Variants in FANCA observed in about 807,000 individuals in gnomAD.
FANCA encodes Fanconi anemia group A protein.
Under a neutral mutation model 194.3 loss-of-function variants are expected in FANCA, and 236 were observed. The observed-to-expected ratio is 1.21, with a 90% confidence interval of 1.09 to 1.35. The LOEUF (loss-of-function observed/expected upper bound fraction) is 1.35. FANCA is among the 40% of genes most tolerant of loss of function. The probability of loss-of-function intolerance (pLI) is 0.00; values close to 1 mark genes in which losing one functional copy is unlikely to be tolerated. For missense variants in FANCA, 2,628 were observed against 1,813.9 expected (o/e 1.45, Z -8.15); for synonymous variants, 1,014 against 715.8 (o/e 1.42, Z -6.65).
At chr16:89,780,385 G>A (rs1405749758) in intron 17 of FANCA, among the ~76,000 whole-genome samples, 1 of 152,154 alleles carries the variant, frequency 6.6e-6, no homozygotes, top group Non-Finnish European at 1.5e-5. Context: ...GCTTTGAGAG[G>A]CTAAGCGGGG....
In FANCA at chr16:89,785,538, G is replaced by A. The variant is rs988091437; in HGVS notation, c.1360-574C>T. On this transcript the variant is annotated intron_variant, in intron 14 of 42. Transcript: ENST00000389301. Reference sequence around the variant, plus strand: ...GCAAGACCCTAGCAGAGCAAGCGAGGAACATGAGCAAACCCTCCCAGGAAC... The same window carrying A: ...GCAAGACCCTAGCAGAGCAAGCGAGAAACATGAGCAAACCCTCCCAGGAAC... Among the ~76,000 whole-genome samples, 8 of 152,302 alleles carry A rather than the reference G, an allele frequency of 5.3e-5. No homozygotes were observed. In the South Asian group the frequency reaches 8.3e-4, roughly 16 times the overall value.
intron 20 of FANCA, 67 bp downstream of exon 20, chr16:89,778,734 C>T (rs191923994): frequency 2.7e-4 from 398 of 1,450,384 alleles, no homozygotes; most frequent in Admixed American, 2.3e-3. Context: ...TACAGAAGAT[C>T]CACAATTCTT....
At chr16:89,774,448 C>T (rs2190808) in intron 21 of FANCA, among the ~76,000 whole-genome samples, 9,097 of 151,942 alleles carry the variant, frequency 0.06, 424 homozygotes, top group East Asian at 0.23. Context: ...CAGGGTGGGT[C>T]GGCCGGGCAT....
rs908048241 is a variant in FANCA, at chr16:89,805,192, C to G, written c.709+88G>C. The G allele has an allele frequency of 4.1e-5, 41 of 1,007,808 alleles. No homozygotes were observed. In the Admixed American group the frequency reaches 7.9e-4, roughly 19 times the overall value. 62.4% of individuals were successfully genotyped at this position (1,007,808 alleles called of 1,614,324 possible). A position where few individuals can be genotyped will look rare whatever the true frequency, so the allele number is the denominator to read the frequency against. ...CACGGCCACGGAGAGACAGGCTGTT[C>G]TGCCTCGCAGAGCTCTTGAGAGCAG... is the stretch of plus-strand genomic sequence containing the variant. On this transcript the variant is annotated intron_variant, in intron 7 of 42. Transcript: ENST00000389301.
At chr16:89,762,350 T>C (rs1344561053) in intron 28 of FANCA, among the ~76,000 whole-genome samples, 1 of 151,994 alleles carries the variant, frequency 6.6e-6, no homozygotes, top group African/African-American at 2.4e-5. Context: ...TCCCAGCACT[T>C]TGGGAGGCTG....
intron 14 of FANCA, among the ~76,000 whole-genome samples, chr16:89,786,269 C>T (rs192419944): frequency 3.9e-5 from 6 of 152,172 alleles, no homozygotes; most frequent in Admixed American, 2.6e-4. Context: ...CCGTAACCTC[C>T]GCCTCCCAGG....
chr16:89,753,964 G>C (rs1408111815), intron 30 of FANCA, among the ~76,000 whole-genome samples: 1 of 152,228 alleles, frequency 6.6e-6, no homozygotes, highest in Non-Finnish European at 1.5e-5. Context: ...TGAGGCAGCA[G>C]AATTGCCTGA....
Position 89,738,727 on chromosome 16 carries a change from T to G in FANCA, c.4261-19A>C. On this transcript the variant is annotated intron_variant, in intron 42 of 42. Coordinates refer to ENST00000389301, the MANE Select transcript of FANCA (RefSeq NM_000135.4). ...CCAGCAGCTGTGAGAGAGGAGCAGG[T>G]CCTCAGCCCATGCCGCCCACTAGGC... The G allele has an allele frequency of 6.2e-7, 1 of 1,613,472 alleles. No homozygotes were observed. The highest frequency in any genetic ancestry group is 8.5e-7 in the Non-Finnish European group (1 of 1,179,778).
At chr16:89,757,877 C>T (rs1001057209) in intron 30 of FANCA, among the ~76,000 whole-genome samples, 1 of 152,186 alleles carries the variant, frequency 6.6e-6, no homozygotes, top group Non-Finnish European at 1.5e-5. Flanking sequence ...AACGTTGTTG[C>T]TATTTTTATC....
chr16:89,769,496 G>C (rs1418841047), intron 26 of FANCA, among the ~76,000 whole-genome samples: 2 of 152,202 alleles, frequency 1.3e-5, no homozygotes, highest in South Asian at 2.1e-4. Flanking sequence ...CCTGACCAGA[G>C]GGAGCTGGTC....
At chr16:89,741,903 G>A (rs1483745177) in intron 37 of FANCA, among the ~76,000 whole-genome samples, 2 of 152,244 alleles carry the variant, frequency 1.3e-5, no homozygotes, top group East Asian at 1.9e-4. Flanking sequence ...AAAATAAGCT[G>A]AAGAAACGCA....
rs2143308956 is a variant in FANCA, at chr16:89,767,245, C to T, written c.2505-8G>A. On this transcript the variant is annotated splice_region_variant and splice_polypyrimidine_tract_variant and intron_variant, in intron 26 of 42. Transcript: ENST00000389301. ...ATTGCTGCTGTACAAAATCTGAAAA[C>T]AGAAATTATAACATATAAATGTAAT... The T allele has an allele frequency of 6.3e-7, 1 of 1,585,940 alleles. No individual in the cohort carries two copies. The highest frequency in any genetic ancestry group is 1.3e-5 in the African/African-American group (1 of 74,476).
Position 89,762,001 on chromosome 16 carries a change from G to A in FANCA, c.2800C>T (p.His934Tyr), listed in dbSNP as rs774871582. The change falls in exon 29 of 43, where the codon CAC becomes TAC. Residue 934 changes from histidine to tyrosine, a missense_variant. By Grantham distance (83) the His-to-Tyr change is moderately conservative. Transcript: ENST00000389301. Reference protein sequence around the residue: ...DVHLTYQDWLHLELEIQPEAD... With the variant: ...DVHLTYQDWLYLELEIQPEAD... ...TCAGGTTGAATTTCCAGCTCCAGGT[G>A]TAACCAGTCTTGGTAAGTTAACTGA... 4 of 1,613,934 alleles carry A rather than the reference G, an allele frequency of 2.5e-6. No homozygotes were observed. The highest frequency in any genetic ancestry group is 1.1e-5 in the South Asian group (1 of 91,080).
intron 29 of FANCA, among the ~76,000 whole-genome samples, chr16:89,760,152 G>A (rs2038904221): frequency 6.6e-6 from 1 of 152,254 alleles, no homozygotes; most frequent in African/African-American, 2.4e-5. Context: ...ACCTGATGCA[G>A]CATGACCTCA....
At chr16:89,777,680 T>C (rs182009783) in intron 20 of FANCA, among the ~76,000 whole-genome samples, 8 of 152,256 alleles carry the variant, frequency 5.3e-5, no homozygotes, top group Admixed American at 2.6e-4. Context: ...CCAAAGTTGG[T>C]TGATACCAAC....
In FANCA at chr16:89,775,767, G is replaced by C. The variant is rs2039479573; in HGVS notation, c.1875C>G (p.Cys625Trp). Residue 625 changes from cysteine (C) to tryptophan (W), a missense_variant, in exon 21 of 43, where the codon TGC becomes TGG. Transcript: ENST00000389301. ...CTTCTGGCTTCTCTTCAGCAGCAGA[G>C]CAGGCCTGGCAGTAGGTGGAGTACA... is the stretch of plus-strand genomic sequence containing the variant. ...PSLYSTYCQACSAAEEKPEDA... is the reference protein window; with the variant it reads ...PSLYSTYCQAWSAAEEKPEDA... 1 of 1,612,786 alleles carries C rather than the reference G, an allele frequency of 6.2e-7. No homozygotes were observed.
rs2040862079 is a variant in FANCA at position 89,811,090 on chromosome 16, C to G, written c.284-19G>C. 3 of 1,613,810 alleles carry G rather than the reference C, an allele frequency of 1.9e-6. No individual in the cohort carries two copies. Among genetic ancestry groups the G allele is most frequent in the Non-Finnish European group, 2.5e-6 (3 of 1,180,004 alleles). ...GCAGAGCCTTAAACACAAAACAAAA[C>G]CATAGCTTTCTCTTAACACATGAGA... On this transcript the variant is annotated intron_variant, in intron 3 of 42. Transcript: ENST00000389301.
At chr16:89,816,169 G>A (rs1207324748) in intron 1 of FANCA, 183 bp from the exon 2 acceptor site, 3 of 653,108 alleles carry the variant, frequency 4.6e-6, no homozygotes, top group Non-Finnish European at 8.4e-6. Flanking sequence ...GCGGACGCCG[G>A]GGAAGACGGC....
intron 30 of FANCA, among the ~76,000 whole-genome samples, chr16:89,756,605 G>T (rs200650055): frequency 7.4e-6 from 1 of 134,850 alleles, no homozygotes; most frequent in Admixed American, 7.1e-5. Context: ...GGGTGACAAA[G>T]AAAGACCCAG....
Sources: gnomAD v4.1 joint callset for allele counts (sites outside exome capture counted in the v4.1 genomes callset) on GRCh38, gnomAD v4.1.1 for gene constraint, MANE v1.5 for transcripts, NCBI Gene and HGNC (gene_info 2026-07-23, HGNC 2026-07-21) for gene names.